The following DLG1 variants were observed in gnomAD, a reference collection of about 807,000 sequenced individuals.
DLG1 encodes discs large MAGUK scaffold protein 1, also known as disks large homolog 1.
DLG1 carries 42 observed loss-of-function variants against 123.4 expected under a neutral mutation model. That is an observed-to-expected ratio of 0.34 (90% CI 0.27 to 0.44). The LOEUF (loss-of-function observed/expected upper bound fraction) is 0.44, where lower values mean the gene tolerates loss of function less well. Among genes scored for constraint, DLG1 ranks in the 20% least tolerant of loss-of-function variants. The pLI is 1.00. For missense variants in DLG1, 942 were observed against 1,082.6 expected, an observed-to-expected ratio of 0.87 and a Z score of 1.82; for synonymous variants, 317 against 356.2, an observed-to-expected ratio of 0.89 and a Z score of 1.24.
chr3:197,054,170 C>A (rs543624568), intron 23 of DLG1, among the ~76,000 whole-genome samples: 51 of 152,308 alleles, frequency 3.3e-4, no homozygotes, highest in African/African-American at 1.2e-3. Context: ...TTGCTGCTTT[C>A]AAGATTCTCT....
chr3:197,190,662 A>C (rs940203427), intron 5 of DLG1, among the ~76,000 whole-genome samples: 6 of 152,166 alleles, frequency 3.9e-5, no homozygotes, highest in Non-Finnish European at 5.9e-5. Context: ...TTCACATCCC[A>C]AGATTGATCA....
intron 11 of DLG1, among the ~76,000 whole-genome samples, chr3:197,120,414 TAG>T (rs1775702122): frequency 6.6e-6 from 1 of 151,998 alleles, no homozygotes; most frequent in Admixed American, 6.6e-5. Flanking sequence ...AAGACACAGG[TAG>T]GTAACACATG....
chr3:197,248,701 G>T (rs555983987), intron 4 of DLG1, among the ~76,000 whole-genome samples: 1 of 152,286 alleles, frequency 6.6e-6, no homozygotes, highest in Admixed American at 6.5e-5. Context: ...ACTAGATTTA[G>T]CATTTAGAAT....
Position 197,076,679 on chromosome 3 carries a change from A to C in DLG1, c.1912T>G (p.Phe638Val). 1 of 1,611,796 alleles carries C rather than the reference A, an allele frequency of 6.2e-7. No homozygotes were observed. Among genetic ancestry groups the C allele is most frequent in the East Asian group, 2.2e-5 (1 of 44,762 alleles). Residue 638 changes from phenylalanine to valine, a missense_variant, in exon 18 of 25, where the codon TTC (phenylalanine) becomes GTC (valine). Coordinates refer to ENST00000667157, the MANE Select transcript of DLG1 (RefSeq NM_001366207.1). Reference sequence around the variant, plus strand: ...AGGTTCTTTTTACGCTTGTCATTGAATGACTGCTGAAGAAGAGAAGGAGGG... The same window carrying C: ...AGGTTCTTTTTACGCTTGTCATTGACTGACTGCTGAAGAAGAGAAGGAGGG... The part of the protein sequence containing the change: ...NSKTRDKGQS[F>V]NDKRKKNLFS...
At chr3:197,271,897 A>G (rs1285376476) in intron 4 of DLG1, among the ~76,000 whole-genome samples, 2 of 152,236 alleles carry the variant, frequency 1.3e-5, no homozygotes, top group South Asian at 2.1e-4. Context: ...TGTGAGAAAG[A>G]CTAGGTGAAG....
chr3:197,290,160 T>A (rs1426133410), intron 3 of DLG1, among the ~76,000 whole-genome samples: 1 of 151,548 alleles, frequency 6.6e-6, no homozygotes, highest in African/African-American at 2.4e-5. Context: ...TGATAAGTCA[T>A]TGAAAAAAAA....
intron 13 of DLG1, among the ~76,000 whole-genome samples, chr3:197,107,117 C>T (rs1256217857): frequency 2.6e-5 from 4 of 152,132 alleles, no homozygotes; most frequent in South Asian, 2.1e-4. Context: ...TTCAAATAAA[C>T]GGGATATATA....
intron 5 of DLG1, among the ~76,000 whole-genome samples, chr3:197,153,191 T>A (rs188026126): frequency 2.0e-5 from 3 of 152,334 alleles, no homozygotes; most frequent in African/African-American, 7.2e-5. Flanking sequence ...TTAAATGCTA[T>A]GACTGAGGTG....
rs147503582 is a variant in DLG1 at position 197,259,325 on chromosome 3, A to T, written c.318+23354T>A. ...CAGATAATGGGCATGTCTGTATCCG[A>T]TCAGAAACTACTGTTTGAACTAGAA... is the stretch of plus-strand genomic sequence containing the variant. On this transcript the variant is annotated intron_variant, in intron 4 of 24. Coordinates refer to ENST00000667157, the MANE Select transcript of DLG1 (RefSeq NM_001366207.1). 2.4e-4 allele frequency among the ~76,000 whole-genome samples: 36 copies of T among 152,342 alleles called. No individual in the cohort carries two copies. The East Asian group carries it at 6.6e-3, about 28-fold the overall frequency.
At chr3:197,088,927 T>TA (rs542538457) in intron 15 of DLG1, among the ~76,000 whole-genome samples, 48 of 152,372 alleles carry the variant, frequency 3.2e-4, no homozygotes, top group African/African-American at 1.1e-3. Context: ...TAAATGCTAT[T>TA]AGTTTTATTA....
Position 197,090,932 on chromosome 3 carries a change from C to T in DLG1, c.1641G>A (p.Gln547=). ...TTTACCTGACATAGAGGGATCGCTT[C>T]TGGCTAGTTCGAAGAGAACCTGACC... is the stretch of plus-strand genomic sequence containing the variant. ...SSGSGSLRTS[Q]KRSLYVRALF... The change falls in exon 15 of 25, where the codon CAG becomes CAA. Residue 547 remains glutamine, a synonymous_variant. Transcript: ENST00000667157. 1.2e-6 allele frequency: 2 copies of T among 1,609,784 alleles called. No homozygotes were observed. Among genetic ancestry groups the T allele is most frequent in the South Asian group, 1.1e-5 (1 of 90,648 alleles).
At chr3:197,176,361 C>G (rs909097128) in intron 5 of DLG1, among the ~76,000 whole-genome samples, 1 of 149,822 alleles carries the variant, frequency 6.7e-6, no homozygotes, top group African/African-American at 2.4e-5. Flanking sequence ...ACTGTGGGGG[C>G]TGGATATTCC....
chr3:197,290,445 T>C (rs1022683986), intron 3 of DLG1, among the ~76,000 whole-genome samples: 3 of 152,040 alleles, frequency 2.0e-5, no homozygotes, highest in African/African-American at 7.3e-5. Context: ...GACTATAGGA[T>C]ACAGAATTCA....
At chr3:197,242,843 C>T (rs1749643018) in intron 4 of DLG1, among the ~76,000 whole-genome samples, 1 of 152,106 alleles carries the variant, frequency 6.6e-6, no homozygotes, top group Non-Finnish European at 1.5e-5. Context: ...ATGATTCATG[C>T]CTGTAATCTC....
rs778267862 is a variant in DLG1 at position 197,076,586 on chromosome 3, G to C, written c.2005C>G (p.Gln669Glu). 6.2e-7 allele frequency: 1 copy of C among 1,607,222 alleles called. No individual in the cohort carries two copies. Among genetic ancestry groups the C allele is most frequent in the Non-Finnish European group, 8.5e-7 (1 of 1,175,272 alleles). ...TTGACCACTGGATCCACATACTTAC[G>C]GTCAGCATCACTTGTTTCCTGCTCA... Reference protein sequence around the residue: ...QSEQETSDADQHVTSNASDSE... With the variant: ...QSEQETSDADEHVTSNASDSE... The change falls in exon 18 of 25, where the codon CAG becomes GAG. Residue 669 changes from glutamine to glutamate, a missense_variant and splice_region_variant. Coordinates refer to ENST00000667157, the MANE Select transcript of DLG1 (RefSeq NM_001366207.1).
chr3:197,132,328 T>C (rs1205951839), intron 10 of DLG1, among the ~76,000 whole-genome samples: 1 of 152,112 alleles, frequency 6.6e-6, no homozygotes, highest in Non-Finnish European at 1.5e-5. Flanking sequence ...ACATTATCAA[T>C]GTTTCCGTTT....
chr3:197,282,096 A>G (rs1295777373), intron 4 of DLG1, among the ~76,000 whole-genome samples: 1 of 152,224 alleles, frequency 6.6e-6, no homozygotes, highest in Non-Finnish European at 1.5e-5. Flanking sequence ...TACCTCTGCT[A>G]TACCATATCC....
chr3:197,137,532 A>G (rs1785627772), intron 9 of DLG1, among the ~76,000 whole-genome samples: 2 of 152,230 alleles, frequency 1.3e-5, no homozygotes, highest in African/African-American at 2.4e-5. Context: ...ATCCACTTAT[A>G]AAACAAATAG....
At chr3:197,087,024 T>G (rs1376239733) in intron 15 of DLG1, among the ~76,000 whole-genome samples, 2 of 152,172 alleles carry the variant, frequency 1.3e-5, no homozygotes, top group Non-Finnish European at 2.9e-5. Context: ...GGAATACATG[T>G]GAGTTATTAA....
Sources: gnomAD v4.1 joint callset for allele counts (sites outside exome capture counted in the v4.1 genomes callset) on GRCh38, gnomAD v4.1.1 for gene constraint, MANE v1.5 for transcripts, NCBI Gene and HGNC (gene_info 2026-07-23, HGNC 2026-07-21) for gene names.